LPP: variants seen among roughly 807,000 people sequenced by gnomAD.
LPP encodes the protein lipoma-preferred partner.
In LPP, 38 loss-of-function variants were observed where a neutral mutation model predicts 60.4. The ratio of observed to expected loss-of-function variants is 0.63; its 90% CI spans 0.49 to 0.83. The LOEUF (loss-of-function observed/expected upper bound fraction) is 0.83. LPP is among the 40% of genes least tolerant of loss of function. The pLI, the probability that LPP is intolerant of heterozygous loss-of-function variation, is 0.00. For missense variants in LPP, 902 were observed against 783.6 expected, an observed-to-expected ratio of 1.15 and a Z score of -1.80; for synonymous variants, 328 against 290.8, an observed-to-expected ratio of 1.13 and a Z score of -1.30.
At position 188,520,305 on chromosome 3, in the gene LPP, G is replaced by A. The variant is rs541361354; in HGVS notation, c.307-4360G>A. ...CCTCGCATCTTCCCCTCCCACCTTC[G>A]TGTACCAGCAGCTGCTACAGCGATC... On this transcript the variant is annotated intron_variant, in intron 5 of 11. Transcript: ENST00000617246. Among the ~76,000 whole-genome samples, 9 of 152,224 alleles carry A rather than the reference G, an allele frequency of 5.9e-5. No homozygotes were observed. In the South Asian group the frequency reaches 1.0e-3, roughly 18 times the overall value.
chr3:188,546,066 T>A (rs770370268), intron 6 of LPP, among the ~76,000 whole-genome samples: 3 of 152,214 alleles, frequency 2.0e-5, no homozygotes, highest in Non-Finnish European at 4.4e-5. Context: ...GCCAGACATG[T>A]ATATTCTGTA....
chr3:188,865,931 T>G (rs1298113000), intron 9 of LPP, among the ~76,000 whole-genome samples: 2 of 152,222 alleles, frequency 1.3e-5, no homozygotes, highest in Non-Finnish European at 2.9e-5. Flanking sequence ...TGAGTAATAC[T>G]AGAAAAGCCA....
chr3:188,732,033 G>A (rs899167047), intron 8 of LPP, among the ~76,000 whole-genome samples: 20 of 152,280 alleles, frequency 1.3e-4, no homozygotes, highest in African/African-American at 3.4e-4. Flanking sequence ...AGGAAAAGCT[G>A]TTCACCCCGA....
At chr3:188,763,318 G>C (rs1320738534) in intron 9 of LPP, among the ~76,000 whole-genome samples, 1 of 151,532 alleles carries the variant, frequency 6.6e-6, no homozygotes, top group Non-Finnish European at 1.5e-5. Flanking sequence ...TTTGTATAAG[G>C]ACCAGCATGT....
chr3:188,757,897 T>TTTTTTTG (rs1730879985), intron 8 of LPP, among the ~76,000 whole-genome samples: 1 of 144,262 alleles, frequency 6.9e-6, no homozygotes. Flanking sequence ...TGGTTTTTTT[T>TTTTTTTG]TTTTTTTTTT....
chr3:188,638,085 C>G (rs982466053), intron 7 of LPP, among the ~76,000 whole-genome samples: 2 of 147,872 alleles, frequency 1.4e-5, no homozygotes, highest in African/African-American at 5.0e-5. Flanking sequence ...AGACCAATAT[C>G]CTTGATGAAC....
chr3:188,749,172 G>C (rs1482118462), intron 8 of LPP, among the ~76,000 whole-genome samples: 1 of 152,198 alleles, frequency 6.6e-6, no homozygotes. Context: ...CTGTTAGGTA[G>C]AAGGAGAAAT....
chr3:188,808,160 T>C (rs1749747652), intron 9 of LPP, among the ~76,000 whole-genome samples: 1 of 152,142 alleles, frequency 6.6e-6, no homozygotes, highest in Non-Finnish European at 1.5e-5. Context: ...GAGGAGTGGT[T>C]TTCCAAAAGG....
intron 3 of LPP, among the ~76,000 whole-genome samples, chr3:188,396,390 T>G (rs1780959783): frequency 6.6e-6 from 1 of 152,190 alleles, no homozygotes; most frequent in Admixed American, 6.5e-5. Context: ...TAGCAAAATC[T>G]CATGGCCTGA....
At chr3:188,600,310 A>G (rs1007784945) in intron 6 of LPP, among the ~76,000 whole-genome samples, 6 of 149,952 alleles carry the variant, frequency 4.0e-5, no homozygotes, top group Non-Finnish European at 7.4e-5. Flanking sequence ...TGAAAAAGTA[A>G]TATGTGGTAG....
At position 188,843,735 on chromosome 3, in the gene LPP, C is replaced by G. The variant is rs376237816; in HGVS notation, c.1411-22465C>G. Among the ~76,000 whole-genome samples, 716 of 142,748 alleles carry G rather than the reference C, an allele frequency of 5.0e-3. 11 individuals carry two copies. The highest frequency in any genetic ancestry group is 0.018 in the African/African-American group (683 of 38,048). The allele number at this position is 142,748 out of a possible 152,430, so 93.6% of individuals were successfully genotyped here. On this transcript the variant is annotated intron_variant, in intron 9 of 11. Coordinates refer to ENST00000617246, the MANE Select transcript of LPP (RefSeq NM_001375462.1). Reference sequence around the variant, plus strand: ...CCGGGAGGCGGAGCTTGCAGGGAGCCGAGATCGCGCCACTGCACTCCAGCC... The same window carrying G: ...CCGGGAGGCGGAGCTTGCAGGGAGCGGAGATCGCGCCACTGCACTCCAGCC...
intron 2 of LPP, among the ~76,000 whole-genome samples, chr3:188,287,960 G>T (rs1294482278): frequency 6.6e-6 from 1 of 152,064 alleles, no homozygotes; most frequent in African/African-American, 2.4e-5. Context: ...ATCCTCCCAG[G>T]CTTATTAGCA....
chr3:188,629,837 C>G (rs953203600), intron 7 of LPP, among the ~76,000 whole-genome samples: 2 of 152,062 alleles, frequency 1.3e-5, no homozygotes, highest in African/African-American at 4.8e-5. Context: ...AATTAAACTG[C>G]AAGACTGCAG....
chr3:188,811,351 T>TACACAC (rs58445393), intron 9 of LPP, among the ~76,000 whole-genome samples: 14,349 of 144,870 alleles, frequency 0.099, 790 homozygotes, highest in Middle Eastern at 0.13. Flanking sequence ...AAGTGCTGTA[T>TACACAC]ACACACACAC....
At chr3:188,273,144 C>G (rs969149230) in intron 2 of LPP, among the ~76,000 whole-genome samples, 4 of 152,254 alleles carry the variant, frequency 2.6e-5, no homozygotes, top group African/African-American at 9.6e-5. Context: ...AATAACTGCC[C>G]CCACCACCCA....
intron 9 of LPP, among the ~76,000 whole-genome samples, chr3:188,776,272 C>T (rs1737749531): frequency 6.6e-6 from 1 of 152,128 alleles, no homozygotes; most frequent in Admixed American, 6.5e-5. Context: ...CCAGAGGATG[C>T]AGCATTTGAG....
intron 6 of LPP, among the ~76,000 whole-genome samples, chr3:188,554,640 A>G (rs1338474951): frequency 6.6e-6 from 1 of 152,164 alleles, no homozygotes; most frequent in African/African-American, 2.4e-5. Flanking sequence ...ATGACTCACA[A>G]TCCAAATCTA....
intron 5 of LPP, among the ~76,000 whole-genome samples, chr3:188,486,093 G>T (rs972575242): frequency 2.0e-5 from 3 of 151,938 alleles, no homozygotes; most frequent in Non-Finnish European, 2.9e-5. Context: ...GCATACATGA[G>T]ATATTTTGAT....
At chr3:188,239,185 C>G (rs1164605427) in intron 2 of LPP, among the ~76,000 whole-genome samples, 1 of 152,230 alleles carries the variant, frequency 6.6e-6, no homozygotes, top group Non-Finnish European at 1.5e-5. Flanking sequence ...TTTCTCTGCC[C>G]CTGCGGCAGG....
Sources: allele counts gnomAD v4.1 joint callset (sites outside exome capture counted in the v4.1 genomes callset), GRCh38; gene constraint gnomAD v4.1.1; transcripts MANE v1.5; gene names NCBI Gene and HGNC (gene_info 2026-07-23, HGNC 2026-07-21).